KSR2: variants seen among roughly 807,000 people sequenced by gnomAD.
KSR2 encodes the protein kinase suppressor of ras 2.
KSR2 carries 25 observed loss-of-function variants against 107.8 expected under a neutral mutation model. The observed-to-expected ratio is 0.23, with a 90% CI of 0.17 to 0.32. KSR2 has a LOEUF of 0.32. Among genes scored for constraint, KSR2 ranks in the 10% least tolerant of loss-of-function variants. The pLI, the probability that KSR2 is intolerant of heterozygous loss-of-function variation, is 1.00. For missense variants in KSR2, 887 were observed against 1,268.9 expected (o/e 0.70, Z 4.57); for synonymous variants, 480 against 507.0 (o/e 0.95, Z 0.71).
At position 117,525,148 on chromosome 12, in the gene KSR2, C is replaced by T. The variant is rs377379360; in HGVS notation, c.1923G>A (p.Ser641=). 26 of 1,613,778 alleles carry T rather than the reference C, an allele frequency of 1.6e-5. No individual in the cohort carries two copies. In the East Asian group the frequency reaches 3.3e-4, roughly 21 times the overall value. ...TGGCCTTGCGTGGGAAGCTCCGGGCCGAGAGGAGGGACAGGTTCATCTCCT... is the reference window on the plus strand; with the variant it reads ...TGGCCTTGCGTGGGAAGCTCCGGGCTGAGAGGAGGGACAGGTTCATCTCCT... ...DFEEMNLSLL[S]ARSFPRKASQ... Residue 641 remains serine, a synonymous_variant, in exon 14 of 20, where the codon TCG becomes TCA. Transcript: ENST00000339824.
At chr12:117,774,159 T>C (rs1763858238) in intron 3 of KSR2, among the ~76,000 whole-genome samples, 1 of 152,154 alleles carries the variant, frequency 6.6e-6, no homozygotes, top group Admixed American at 6.5e-5. Flanking sequence ...ATACACAGGC[T>C]TGTGGGTCAG....
In KSR2 at chr12:117,455,070, G is replaced by GAGAGAGAGAGAGAC. The variant is rs1469580555; in HGVS notation, c.*12128_*12129insGTCTCTCTCTCTCT. On this transcript the variant is annotated 3_prime_UTR_variant, in exon 20 of 20. Transcript: ENST00000339824. The stretch of plus-strand genomic sequence containing the variant: ...AGAGAGAGAGAGAGAGAGAGAGAGA[G>GAGAGAGAGAGAGAC]AGGTCTGTAGAGCCAGAGAGGGATG... The GAGAGAGAGAGAGAC allele has an allele frequency of 5.4e-5, 8 of 149,326 alleles. No homozygotes were observed. Among genetic ancestry groups the GAGAGAGAGAGAGAC allele is most frequent in the African/African-American group, 2.0e-4 (8 of 40,384 alleles). The allele number at this position is 149,326 out of a possible 1,614,324, so 9.3% of individuals were successfully genotyped here. A position where few individuals can be genotyped will look rare whatever the true frequency, so the allele number is the denominator to read the frequency against.
intron 3 of KSR2, among the ~76,000 whole-genome samples, chr12:117,775,879 T>A (rs527501633): frequency 1.3e-5 from 2 of 152,202 alleles, no homozygotes; most frequent in African/African-American, 4.8e-5. Context: ...AAGTGGGAGC[T>A]AAGCTATGAG....
intron 14 of KSR2, among the ~76,000 whole-genome samples, chr12:117,492,462 A>G (rs926753935): frequency 6.7e-6 from 1 of 149,640 alleles, no homozygotes; most frequent in African/African-American, 2.5e-5. Context: ...ACCTCTGAGG[A>G]CTGACACCCT....
chr12:117,688,744 C>T (rs1885690701), intron 4 of KSR2, among the ~76,000 whole-genome samples: 2 of 152,116 alleles, frequency 1.3e-5, no homozygotes, highest in South Asian at 4.1e-4. Flanking sequence ...GGACACTCTC[C>T]AGGATGGCCA....
At chr12:117,538,553 T>C (rs1035841689) in intron 10 of KSR2, among the ~76,000 whole-genome samples, 1 of 151,954 alleles carries the variant, frequency 6.6e-6, no homozygotes, top group Non-Finnish European at 1.5e-5. Context: ...ATTTTTTTCA[T>C]AGTGTGAAGC....
At chr12:117,793,953 GCACACACCAACATGCA>G (rs1346067614) in intron 3 of KSR2, among the ~76,000 whole-genome samples, 5 of 73,054 alleles carry the variant, frequency 6.8e-5, no homozygotes, top group Non-Finnish European at 1.3e-4. Context: ...ACCAACATGC[GCACACACCAACATGCA>G]CACACACCAT....
intron 4 of KSR2, among the ~76,000 whole-genome samples, chr12:117,754,932 T>A (rs1469921341): frequency 6.6e-6 from 1 of 152,264 alleles, no homozygotes; most frequent in Non-Finnish European, 1.5e-5. Context: ...GATCTGTGAC[T>A]GTTGAAACTC....
At position 117,558,516 on chromosome 12, in the gene KSR2, G is replaced by A. The variant is rs1326372312; in HGVS notation, c.1383C>T (p.Ile461=). 4 of 1,613,870 alleles carry A rather than the reference G, an allele frequency of 2.5e-6. No individual in the cohort carries two copies. Among genetic ancestry groups the A allele is most frequent in the African/African-American group, 1.3e-5 (1 of 75,012 alleles). ...GTGTTAAATAGTTACCTCCTCGGTG[G>A]ATGATCAGAAGATGACAGGGTGGGG... ...KEAPPCHLLI[I]HRGDPARLVR... Residue 461 remains isoleucine (I), a synonymous_variant, in exon 8 of 20, where the codon ATC becomes ATT. Coordinates refer to ENST00000339824, the MANE Select transcript of KSR2 (RefSeq NM_173598.6).
intron 4 of KSR2, among the ~76,000 whole-genome samples, chr12:117,722,357 G>A (rs1887243494): frequency 6.6e-6 from 1 of 152,146 alleles, no homozygotes; most frequent in African/African-American, 2.4e-5. Context: ...GTAAAATGAG[G>A]CTGAAACCTA....
intron 9 of KSR2, among the ~76,000 whole-genome samples, chr12:117,553,675 G>A (rs912962513): frequency 6.6e-6 from 1 of 152,162 alleles, no homozygotes; most frequent in African/African-American, 2.4e-5. Flanking sequence ...GTTGGAGGTG[G>A]GGCCTAGTGG....
chr12:117,726,940 C>A (rs1399447891), intron 4 of KSR2, among the ~76,000 whole-genome samples: 1 of 152,106 alleles, frequency 6.6e-6, no homozygotes, highest in Non-Finnish European at 1.5e-5. Context: ...GGTTGAAATG[C>A]AGCCCCAAAA....
At chr12:117,947,873 G>T (rs1384315848) in intron 1 of KSR2, among the ~76,000 whole-genome samples, 1 of 151,918 alleles carries the variant, frequency 6.6e-6, no homozygotes, top group Non-Finnish European at 1.5e-5. Flanking sequence ...AAGAAAAGAA[G>T]ACTTAAATAA....
intron 1 of KSR2, among the ~76,000 whole-genome samples, chr12:117,933,048 C>T (rs1404792101): frequency 2.0e-5 from 3 of 151,926 alleles, no homozygotes; most frequent in South Asian, 2.1e-4. Context: ...AAAGATCATG[C>T]ACACCCAATC....
At chr12:117,527,280 GACACAC>G (rs59836858) in intron 12 of KSR2, among the ~76,000 whole-genome samples, 161 bp from the exon 13 acceptor site, 1 of 124,464 alleles carries the variant, frequency 8.0e-6, no homozygotes, top group African/African-American at 3.1e-5. Context: ...CCATAACCTC[GACACAC>G]ACACACACAC....
At chr12:117,756,742 T>C (rs1025268095) in intron 4 of KSR2, among the ~76,000 whole-genome samples, 3 of 152,174 alleles carry the variant, frequency 2.0e-5, no homozygotes, top group African/African-American at 7.2e-5. Context: ...CTCTGATGGA[T>C]CTGGGAAAAG....
intron 14 of KSR2, among the ~76,000 whole-genome samples, chr12:117,492,295 GT>G (rs1225717472): frequency 3.9e-5 from 6 of 152,222 alleles, no homozygotes; most frequent in Non-Finnish European, 5.9e-5. Flanking sequence ...CATCTAGAAG[GT>G]TTGTCTCTGA....
At chr12:117,755,730 C>G (rs1209797969) in intron 4 of KSR2, among the ~76,000 whole-genome samples, 1 of 152,296 alleles carries the variant, frequency 6.6e-6, no homozygotes, top group East Asian at 1.9e-4. Context: ...AATGATTACG[C>G]TTAGTGAGGA....
At chr12:117,920,468 A>G (rs1895308366) in intron 1 of KSR2, among the ~76,000 whole-genome samples, 1 of 151,964 alleles carries the variant, frequency 6.6e-6, no homozygotes, top group Admixed American at 6.6e-5. Context: ...TTGACCTGGA[A>G]TAAGAAAAGA....
Sources: gnomAD v4.1 joint callset for allele counts (sites outside exome capture counted in the v4.1 genomes callset) on GRCh38, gnomAD v4.1.1 for gene constraint, MANE v1.5 for transcripts, NCBI Gene and HGNC (gene_info 2026-07-23, HGNC 2026-07-21) for gene names.